Variants in PREX1 observed in about 807,000 individuals in gnomAD.
PREX1 encodes phosphatidylinositol-3,4,5-trisphosphate dependent Rac exchange factor 1.
Under a neutral mutation model 198.3 loss-of-function variants are expected in PREX1, and 41 were observed. That is an observed-to-expected ratio of 0.21 (90% CI 0.16 to 0.27). The LOEUF is 0.27. PREX1 is among the 10% of genes least tolerant of loss of function. The probability of loss-of-function intolerance (pLI) is 1.00; values close to 1 mark genes in which losing one functional copy is unlikely to be tolerated. For synonymous variants in PREX1, 843 were observed against 887.2 expected (o/e 0.95, Z 0.89); for missense variants, 1,620 against 2,200.7 (o/e 0.74, Z 5.28).
intron 11 of PREX1, among the ~76,000 whole-genome samples, chr20:48,680,197 T>C (rs567106830): frequency 6.6e-6 from 1 of 152,308 alleles, no homozygotes; most frequent in South Asian, 2.1e-4. Flanking sequence ...AAGTCATGCT[T>C]GATGCTTCAG....
chr20:48,816,072 C>G (rs576738558), intron 1 of PREX1, among the ~76,000 whole-genome samples: 117 of 149,454 alleles, frequency 7.8e-4, no homozygotes, highest in African/African-American at 2.5e-3. Context: ...GGTCTGTGTA[C>G]TGTGTTGGAG....
At chr20:48,801,239 C>A (rs1364810568) in intron 1 of PREX1, among the ~76,000 whole-genome samples, 3 of 152,192 alleles carry the variant, frequency 2.0e-5, no homozygotes, top group African/African-American at 2.4e-5. Context: ...GGAAACCATG[C>A]GAGCTGCGTA....
chr20:48,782,101 A>G (rs1287137887), intron 1 of PREX1, among the ~76,000 whole-genome samples: 2 of 152,208 alleles, frequency 1.3e-5, no homozygotes, highest in Non-Finnish European at 2.9e-5. Flanking sequence ...TCTCCTGCTG[A>G]GTCTCAGGGT....
chr20:48,887,026 C>A, the PREX1 span, among the ~76,000 whole-genome samples: 1 of 152,198 alleles, frequency 6.6e-6, no homozygotes, highest in Non-Finnish European at 1.5e-5. Context: ...GTAATACTAT[C>A]TTTAAGAGGA....
intron 14 of PREX1, among the ~76,000 whole-genome samples, chr20:48,670,180 G>A (rs1248359552): frequency 1.3e-5 from 2 of 152,154 alleles, no homozygotes; most frequent in African/African-American, 4.8e-5. Context: ...AGGCTGAGAG[G>A]GGAGGTTAGT....
chr20:48,653,067 A>G (rs1469416501), intron 20 of PREX1, among the ~76,000 whole-genome samples: 1 of 152,138 alleles, frequency 6.6e-6, no homozygotes, highest in Non-Finnish European at 1.5e-5. Flanking sequence ...CACTTTCCCA[A>G]CCCACTTGAC....
chr20:48,664,742 C>T (rs925146075), intron 15 of PREX1, among the ~76,000 whole-genome samples: 15 of 152,016 alleles, frequency 9.9e-5, no homozygotes, highest in Non-Finnish European at 2.1e-4. Flanking sequence ...CAGCTCCAGA[C>T]GGCCTGAATT....
chr20:48,855,363 G>A, the PREX1 span, among the ~76,000 whole-genome samples: 5 of 152,128 alleles, frequency 3.3e-5, no homozygotes, highest in East Asian at 1.9e-4. Flanking sequence ...GCTGAGAGAC[G>A]CTCACAGGAG....
chr20:48,788,433 T>C (rs908145426), intron 1 of PREX1, among the ~76,000 whole-genome samples: 2 of 152,104 alleles, frequency 1.3e-5, no homozygotes. Context: ...AGGCTTCAGC[T>C]CTTTGGCCAC....
the PREX1 span, among the ~76,000 whole-genome samples, chr20:48,859,951 G>A: frequency 2.6e-5 from 4 of 152,338 alleles, no homozygotes; most frequent in Middle Eastern, 3.4e-3. Context: ...ATGGGAGGTG[G>A]AGGTTGCAGT....
chr20:48,769,525 C>T (rs1293840784), intron 1 of PREX1, among the ~76,000 whole-genome samples: 1 of 152,176 alleles, frequency 6.6e-6, no homozygotes, highest in African/African-American at 2.4e-5. Flanking sequence ...ACAGAGGCTG[C>T]GCTATCAGAA....
intron 1 of PREX1, among the ~76,000 whole-genome samples, chr20:48,814,681 AC>A (rs1910697390): frequency 6.6e-6 from 1 of 152,146 alleles, no homozygotes; most frequent in Admixed American, 6.5e-5. Flanking sequence ...GATTCGATTA[AC>A]CTCCATGTTC....
At chr20:48,645,622 C>A (rs1364486040) in intron 26 of PREX1, among the ~76,000 whole-genome samples, 1 of 152,172 alleles carries the variant, frequency 6.6e-6, no homozygotes. Context: ...ACAGATGGGT[C>A]CACGTGGGGA....
chr20:48,833,064 C>T, the PREX1 span, among the ~76,000 whole-genome samples: 9 of 152,350 alleles, frequency 5.9e-5, no homozygotes, highest in South Asian at 8.3e-4. Flanking sequence ...GACTTAACCT[C>T]TCTGGGCTTC....
rs57568281 is a variant in PREX1, at chr20:48,808,654, C to T, written c.219+18988G>A. ...AACACCACCTCACTCAGCGACACCA[C>T]CTCACTCAGCGTAGAAAGCAAAGCC... On this transcript the variant is annotated intron_variant, in intron 1 of 39. Coordinates refer to ENST00000371941, the MANE Select transcript of PREX1 (RefSeq NM_020820.4). Among the ~76,000 whole-genome samples, 1,956 of 152,322 alleles carry T rather than the reference C, an allele frequency of 0.013. 167 individuals carry two copies. In the East Asian group the frequency reaches 0.25, roughly 19 times the overall value.
At chr20:48,851,663 G>A in the PREX1 span, among the ~76,000 whole-genome samples, 1 of 152,152 alleles carries the variant, frequency 6.6e-6, no homozygotes, top group Non-Finnish European at 1.5e-5. Context: ...ATGGCATGGT[G>A]CACGCTGGTT....
At chr20:48,820,487 T>C (rs865984426) in intron 1 of PREX1, among the ~76,000 whole-genome samples, 2 of 152,280 alleles carry the variant, frequency 1.3e-5, no homozygotes, top group Middle Eastern at 3.4e-3. Flanking sequence ...TCCCAGACAC[T>C]CTGCTGGGTG....
the PREX1 span, among the ~76,000 whole-genome samples, chr20:48,845,929 C>T: frequency 6.6e-6 from 1 of 152,122 alleles, no homozygotes; most frequent in Middle Eastern, 3.2e-3. Flanking sequence ...TGATGTGACT[C>T]AGGTTTTTAA....
At chr20:48,715,332 AAGAG>A (rs2089957128) in intron 5 of PREX1, among the ~76,000 whole-genome samples, 1 of 152,192 alleles carries the variant, frequency 6.6e-6, no homozygotes, top group African/African-American at 2.4e-5. Flanking sequence ...GCTTTCTCGC[AAGAG>A]AGAGGGCTAC....
Sources: allele counts gnomAD v4.1 joint callset (sites outside exome capture counted in the v4.1 genomes callset), GRCh38; gene constraint gnomAD v4.1.1; transcripts MANE v1.5; gene names NCBI Gene and HGNC (gene_info 2026-07-23, HGNC 2026-07-21).